The following ATP6V0A4 variants were observed in gnomAD, a reference collection of about 807,000 sequenced individuals.
ATP6V0A4 encodes the protein ATPase H+ transporting V0 subunit a4, also known as V-type proton ATPase 116 kDa subunit a 4.
In ATP6V0A4, 86 loss-of-function variants were observed where a neutral mutation model predicts 107.3. The observed-to-expected ratio is 0.80, with a 90% CI of 0.67 to 0.96. The LOEUF is 0.96. ATP6V0A4 is among the 40% of genes least tolerant of loss of function. The pLI is 0.00. For missense variants in ATP6V0A4, 908 were observed against 1,045.6 expected, an observed-to-expected ratio of 0.87 and a Z score of 1.81; for synonymous variants, 353 against 381.4, an observed-to-expected ratio of 0.93 and a Z score of 0.87.
chr7:138,732,644 A>C (rs536077763), intron 17 of ATP6V0A4, among the ~76,000 whole-genome samples: 101 of 152,144 alleles, frequency 6.6e-4, no homozygotes, highest in Non-Finnish European at 9.3e-4. Flanking sequence ...AAATACAAAA[A>C]TTAGCCAGGC....
chr7:138,724,243 A>T (rs1804594349), intron 18 of ATP6V0A4, among the ~76,000 whole-genome samples: 1 of 151,910 alleles, frequency 6.6e-6, no homozygotes, highest in Non-Finnish European at 1.5e-5. Context: ...TTAAAAAATA[A>T]ATCTTTGTAA....
At chr7:138,706,739 G>T in intron 21 of ATP6V0A4, 22 bp from the exon 22 acceptor site, 1 of 1,612,384 alleles carries the variant, frequency 6.2e-7, no homozygotes, top group Non-Finnish European at 8.5e-7. Flanking sequence ...GGGAGGCCGT[G>T]GGGTAAGAAA....
chr7:138,779,793 A>C (rs1807838532), intron 2 of ATP6V0A4, among the ~76,000 whole-genome samples: 1 of 152,244 alleles, frequency 6.6e-6, no homozygotes, highest in South Asian at 2.1e-4. Context: ...AAATCAATAC[A>C]TTTTATGTCT....
At chr7:138,741,764 G>A (rs1326625159) in intron 14 of ATP6V0A4, among the ~76,000 whole-genome samples, 1 of 152,194 alleles carries the variant, frequency 6.6e-6, no homozygotes, top group African/African-American at 2.4e-5. Flanking sequence ...CCCAACTCCA[G>A]TGACTACAGG....
intron 18 of ATP6V0A4, among the ~76,000 whole-genome samples, chr7:138,725,893 T>C (rs766490624): frequency 7.2e-5 from 11 of 152,340 alleles, no homozygotes; most frequent in South Asian, 2.1e-4. Flanking sequence ...CGATACTTCA[T>C]GGATTGGTGC....
chr7:138,756,795 C>T (rs1806536640), intron 8 of ATP6V0A4, among the ~76,000 whole-genome samples: 2 of 152,244 alleles, frequency 1.3e-5, no homozygotes, highest in South Asian at 4.1e-4. Context: ...ACAGCCAGAC[C>T]TTATATTCAG....
rs1157508823 is a variant in ATP6V0A4, at chr7:138,752,456, ATTTCT to A, written c.1029+164_1029+168del. Among the ~76,000 whole-genome samples, 5 of 152,090 alleles carry A rather than the reference ATTTCT, an allele frequency of 3.3e-5. No homozygotes were observed. In the East Asian group the frequency reaches 9.6e-4, roughly 29 times the overall value. On this transcript the variant is annotated intron_variant, in intron 11 of 21. Coordinates refer to ENST00000310018, the MANE Select transcript of ATP6V0A4 (RefSeq NM_020632.3). ...TGTCAAACACTGAAAAGACAAAGGA[ATTTCT>A]TTTATGTCCTCGAGTGGGGTTGATA...
chr7:138,737,264 T>C (rs1329871995), intron 15 of ATP6V0A4, among the ~76,000 whole-genome samples: 1 of 151,184 alleles, frequency 6.6e-6, no homozygotes, highest in Admixed American at 6.6e-5. Flanking sequence ...ATGGGGGTGG[T>C]TTCCTCCATA....
rs969160496 is a variant in ATP6V0A4 at position 138,771,116 on chromosome 7, G to T, written c.117+15C>A. Reference sequence around the variant, plus strand: ...CCCCTGCCTTCCTCTTATCTCCAAAGAACTCAGTACCTACATCTTTGAACT... The same window carrying T: ...CCCCTGCCTTCCTCTTATCTCCAAATAACTCAGTACCTACATCTTTGAACT... On this transcript the variant is annotated intron_variant, in intron 3 of 21. Transcript: ENST00000310018. 2 of 1,611,916 alleles carry T rather than the reference G, an allele frequency of 1.2e-6. No individual in the cohort carries two copies. The highest frequency in any genetic ancestry group is 2.7e-5 in the African/African-American group (2 of 74,854).
intron 18 of ATP6V0A4, among the ~76,000 whole-genome samples, chr7:138,725,313 T>C (rs1804650805): frequency 6.6e-6 from 1 of 152,134 alleles, no homozygotes; most frequent in African/African-American, 2.4e-5. Context: ...TGCCAAAAGA[T>C]ATATACAAGG....
chr7:138,767,532 T>G (rs1007367894), intron 5 of ATP6V0A4, among the ~76,000 whole-genome samples: 3 of 151,668 alleles, frequency 2.0e-5, no homozygotes, highest in Non-Finnish European at 4.4e-5. Context: ...CAAAAAAATA[T>G]GATAAGGTCC....
In ATP6V0A4 at chr7:138,732,892, G is replaced by A. The variant is rs143558330; in HGVS notation, c.1893C>T (p.Pro631=). The A allele has an allele frequency of 1.9e-6, 3 of 1,612,416 alleles. No individual in the cohort carries two copies. The highest frequency in any genetic ancestry group is 1.7e-5 in the Admixed American group (1 of 59,844). ...LFNYSDSSNA[P]LYKHQQEVQS... ...GCAGAAATACCTGATGTTTGTAGAGGGGTGCGTTGGAAGAGTCACTGTAGT... is the reference window on the plus strand; with the variant it reads ...GCAGAAATACCTGATGTTTGTAGAGAGGTGCGTTGGAAGAGTCACTGTAGT... Residue 631 remains proline (P), a synonymous_variant, in exon 17 of 22, where the codon CCC becomes CCT. Transcript: ENST00000310018.
intron 15 of ATP6V0A4, 149 bp downstream of exon 15, chr7:138,739,391 C>A: frequency 2.1e-6 from 2 of 973,086 alleles, no homozygotes; most frequent in Admixed American, 2.2e-5. Flanking sequence ...GACTCTGGCT[C>A]TATGTGTCAC....
intron 3 of ATP6V0A4, 153 bp from the exon 4 acceptor site, chr7:138,769,404 T>A: frequency 1.3e-6 from 1 of 782,984 alleles, no homozygotes. Flanking sequence ...AACCTCCACC[T>A]CCTGGGTTCA....
At chr7:138,793,150 C>T (rs557463449) in intron 1 of ATP6V0A4, among the ~76,000 whole-genome samples, 2 of 152,068 alleles carry the variant, frequency 1.3e-5, no homozygotes, top group East Asian at 3.9e-4. Context: ...CAAAAATTAC[C>T]CGGGGGTGGT....
intron 21 of ATP6V0A4, 108 bp from the exon 22 acceptor site, chr7:138,706,825 A>T: frequency 6.5e-7 from 1 of 1,538,274 alleles, no homozygotes; most frequent in Non-Finnish European, 8.7e-7. Flanking sequence ...AAAATCAAGC[A>T]CAAAGTCAGA....
At chr7:138,789,342 G>GGTTC (rs1303025315) in intron 1 of ATP6V0A4, among the ~76,000 whole-genome samples, 1 of 151,928 alleles carries the variant, frequency 6.6e-6, no homozygotes, top group African/African-American at 2.4e-5. Flanking sequence ...CTGCCTCCTG[G>GGTTC]GTTCAAGCAA....
In ATP6V0A4 at chr7:138,762,994, T is replaced by C. The variant is rs1189914823; in HGVS notation, c.323A>G (p.Gln108Arg). 1.2e-6 allele frequency: 2 copies of C among 1,614,140 alleles called. No homozygotes were observed. The highest frequency in any genetic ancestry group is 1.7e-6 in the Non-Finnish European group (2 of 1,180,024). The change falls in exon 6 of 22, where the codon CAG becomes CGG. Residue 108 changes from glutamine to arginine, a missense_variant. By Grantham distance (43) the Gln-to-Arg change is conservative. Coordinates refer to ENST00000310018, the MANE Select transcript of ATP6V0A4 (RefSeq NM_020632.3). ...TVLEKLEGEL[Q>R]EANQNQQALK... The stretch of plus-strand genomic sequence containing the variant: ...GGCCTGCTGGTTCTGGTTGGCTTCC[T>C]GTAACTCTCCTTCCAGTTTTTCTAG...
chr7:138,756,662 CTG>C, intron 8 of ATP6V0A4, 122 bp from the exon 9 acceptor site: 1 of 1,308,730 alleles, frequency 7.6e-7, no homozygotes, highest in African/African-American at 1.5e-5. Context: ...AACTGGGAAA[CTG>C]TAACTTTCCT....
Sources: gnomAD v4.1 joint callset for allele counts (sites outside exome capture counted in the v4.1 genomes callset) on GRCh38, gnomAD v4.1.1 for gene constraint, MANE v1.5 for transcripts, NCBI Gene and HGNC (gene_info 2026-07-23, HGNC 2026-07-21) for gene names.